Variants in NBDY observed in about 807,000 individuals in gnomAD.
The protein encoded by NBDY is negative regulator of P-body association, also known as P-body dissociating protein.
At chrX:56,750,474 A>AAT (rs1283221479) in intron 2 of NBDY, among the ~76,000 whole-genome samples, 1 of 110,176 alleles carries the variant, frequency 9.1e-6, no homozygotes, top group Non-Finnish European at 1.9e-5. Context: ...AAATAAAAAA[A>AAT]ATATATGCAG....
Position 56,817,986 on chromosome X carries a change from A to G in NBDY, c.*833A>G, listed in dbSNP as rs979035631. 8.9e-6 allele frequency: 1 copy of G among 111,807 alleles called. No individual in the cohort carries two copies. The highest frequency in any genetic ancestry group is 3.2e-5 in the African/African-American group (1 of 30,868). The allele number at this position is 111,807 out of a possible 1,213,427, so 9.2% of individuals were successfully genotyped here. On this transcript the variant is annotated 3_prime_UTR_variant, in exon 3 of 3. Coordinates refer to ENST00000374922, the MANE Select transcript of NBDY (RefSeq NM_001348129.2). ...ATATCCTAATTAAAAACAGTAATAA[A>G]TATTATGGTGAAAAAATACAAGTAA... is the stretch of plus-strand genomic sequence containing the variant.
At chrX:56,809,073 G>A (rs79125635) in intron 2 of NBDY, among the ~76,000 whole-genome samples, 1 of 112,672 alleles carries the variant, frequency 8.9e-6, no homozygotes, top group African/African-American at 3.2e-5. Context: ...GCGGTTTTGA[G>A]TGAGATTCTT....
intron 2 of NBDY, among the ~76,000 whole-genome samples, chrX:56,764,460 C>A (rs755317263): frequency 1.8e-4 from 20 of 110,975 alleles, no homozygotes; most frequent in Non-Finnish European, 3.0e-4. Flanking sequence ...CGTCCCAATG[C>A]CAGGTACACT....
intron 2 of NBDY, among the ~76,000 whole-genome samples, chrX:56,741,295 C>T (rs984157501): frequency 2.7e-5 from 3 of 111,876 alleles, no homozygotes; most frequent in African/African-American, 9.7e-5. Flanking sequence ...AGTGCTGCAA[C>T]AAACATGGGA....
chrX:56,735,732 C>G (rs1476671347), intron 2 of NBDY, among the ~76,000 whole-genome samples: 1 of 111,534 alleles, frequency 9.0e-6, no homozygotes, highest in Non-Finnish European at 1.9e-5. Flanking sequence ...TTGGAGAGAT[C>G]TACTCAGGAA....
intron 2 of NBDY, among the ~76,000 whole-genome samples, chrX:56,765,134 C>T (rs1028449232): frequency 8.9e-6 from 1 of 111,840 alleles, no homozygotes; most frequent in African/African-American, 3.3e-5. Context: ...CAGCTGGGCG[C>T]GGGGACACCG....
chrX:56,733,810 C>A (rs1166961302), intron 2 of NBDY, among the ~76,000 whole-genome samples: 1 of 112,242 alleles, frequency 8.9e-6, no homozygotes. Context: ...GCTTTTCATC[C>A]ATCAAGCTGT....
At chrX:56,783,731 G>A (rs2069710528) in intron 2 of NBDY, among the ~76,000 whole-genome samples, 1 of 112,703 alleles carries the variant, frequency 8.9e-6, no homozygotes, top group African/African-American at 3.2e-5. Context: ...AACACCTTCC[G>A]CTGGATGGCA....
At chrX:56,749,897 C>T (rs756441392) in intron 2 of NBDY, among the ~76,000 whole-genome samples, 2 of 111,183 alleles carry the variant, frequency 1.8e-5, no homozygotes, top group Non-Finnish European at 3.8e-5. Context: ...AGTGATTGTC[C>T]GATTCAGCCT....
At chrX:56,766,957 A>G (rs1406731304) in intron 2 of NBDY, among the ~76,000 whole-genome samples, 1 of 112,675 alleles carries the variant, frequency 8.9e-6, no homozygotes, top group Non-Finnish European at 1.9e-5. Flanking sequence ...CTCCTGCCTC[A>G]GGCCCTGTGG....
chrX:56,818,536 G>C lies in NBDY; in HGVS notation c.*1383G>C, dbSNP rs1292911660. 3.6e-5 allele frequency: 4 copies of C among 112,041 alleles called. No homozygotes were observed. Among genetic ancestry groups the C allele is most frequent in the South Asian group, 7.5e-4 (2 of 2,681 alleles). 9.2% of individuals were successfully genotyped at this position (112,041 alleles called of 1,213,427 possible). A position where few individuals can be genotyped will look rare whatever the true frequency, so the allele number is the denominator to read the frequency against. Reference sequence around the variant, plus strand: ...CTGAACATCACAAACAGTAAACACAGACTTCTTTAAAAGGACATCTGGTGA... The same window carrying C: ...CTGAACATCACAAACAGTAAACACACACTTCTTTAAAAGGACATCTGGTGA... On this transcript the variant is annotated 3_prime_UTR_variant, in exon 3 of 3. Coordinates refer to ENST00000374922, the MANE Select transcript of NBDY (RefSeq NM_001348129.2).
At chrX:56,785,516 G>A (rs1237704903) in intron 2 of NBDY, among the ~76,000 whole-genome samples, 1 of 111,011 alleles carries the variant, frequency 9.0e-6, no homozygotes, top group Non-Finnish European at 1.9e-5. Context: ...ATTCTCAGGG[G>A]GCAGTTTTTC....
At chrX:56,795,796 G>A (rs1410637479) in intron 2 of NBDY, among the ~76,000 whole-genome samples, 2 of 112,491 alleles carry the variant, frequency 1.8e-5, no homozygotes, top group African/African-American at 6.5e-5. Context: ...ATCCACCACG[G>A]GCGCACCTCT....
intron 2 of NBDY, among the ~76,000 whole-genome samples, chrX:56,801,230 C>T (rs2069820879): frequency 8.9e-6 from 1 of 112,110 alleles, no homozygotes; most frequent in African/African-American, 3.2e-5. Context: ...TGAGGCACCC[C>T]TGAACTAGGT....
intron 2 of NBDY, among the ~76,000 whole-genome samples, chrX:56,764,702 C>CAAAAAAAAAAAA (rs10623590): frequency 3.5e-4 from 21 of 60,785 alleles, no homozygotes; most frequent in East Asian, 5.8e-4. Context: ...AAACAAACAC[C>CAAAAAAAAAAAA]AAAAAAAAAA....
chrX:56,794,679 G>A (rs1358974173), intron 2 of NBDY, among the ~76,000 whole-genome samples: 1 of 111,494 alleles, frequency 9.0e-6, no homozygotes, highest in African/African-American at 3.3e-5. Context: ...GGGTGTGTGG[G>A]TGAGTGGGCC....
At chrX:56,757,878 C>A (rs1185066864) in intron 2 of NBDY, among the ~76,000 whole-genome samples, 1 of 111,070 alleles carries the variant, frequency 9.0e-6, no homozygotes, top group Non-Finnish European at 1.9e-5. Flanking sequence ...TTCCGGGAAA[C>A]AGGGGAGGTG....
chrX:56,762,900 C>T (rs981388592), intron 2 of NBDY, among the ~76,000 whole-genome samples: 4 of 111,978 alleles, frequency 3.6e-5, no homozygotes, highest in African/African-American at 1.3e-4. Context: ...CAAACACACA[C>T]ATAGACACAC....
chrX:56,813,470 C>T (rs2069896856), intron 2 of NBDY, among the ~76,000 whole-genome samples: 1 of 111,047 alleles, frequency 9.0e-6, no homozygotes, highest in Non-Finnish European at 1.9e-5. Context: ...TGCCCACAGA[C>T]CACAGACACA....
Sources: gnomAD v4.1 joint callset for allele counts (sites outside exome capture counted in the v4.1 genomes callset) on GRCh38, gnomAD v4.1.1 for gene constraint, MANE v1.5 for transcripts, NCBI Gene and HGNC (gene_info 2026-07-23, HGNC 2026-07-21) for gene names.